The following MARCHF3 variants were observed in gnomAD, a reference collection of about 807,000 sequenced individuals.
The protein encoded by MARCHF3 is membrane associated ring-CH-type finger 3, also known as E3 ubiquitin-protein ligase MARCHF3.
In MARCHF3, 13 loss-of-function variants were observed where a neutral mutation model predicts 24.2. That is an observed-to-expected ratio of 0.54 (90% CI 0.35 to 0.85). The LOEUF is 0.85. Ranked by LOEUF, MARCHF3 falls within the 40% of genes least tolerant of loss-of-function variation. The pLI, the probability that MARCHF3 is intolerant of heterozygous loss-of-function variation, is 0.01. For missense variants in MARCHF3, 276 were observed against 325.0 expected, an observed-to-expected ratio of 0.85 and a Z score of 1.16; for synonymous variants, 144 against 137.3, an observed-to-expected ratio of 1.05 and a Z score of -0.34.
chr5:126,971,463 A>AG (rs1210502549), intron 1 of MARCHF3, among the ~76,000 whole-genome samples: 1 of 151,710 alleles, frequency 6.6e-6, no homozygotes, highest in Non-Finnish European at 1.5e-5. Context: ...AAAAAAAAAA[A>AG]AAAAGAAAAG....
intron 1 of MARCHF3, among the ~76,000 whole-genome samples, chr5:126,952,864 CTTAA>C (rs1239306897): frequency 1.3e-5 from 2 of 152,136 alleles, no homozygotes; most frequent in African/African-American, 4.8e-5. Context: ...TGCCTATAAT[CTTAA>C]TTGTCTTCCA....
intron 1 of MARCHF3, among the ~76,000 whole-genome samples, chr5:126,992,587 T>C (rs1170854324): frequency 6.6e-6 from 1 of 152,254 alleles, no homozygotes; most frequent in Non-Finnish European, 1.5e-5. Context: ...TTCTACTACG[T>C]AGAAATTACG....
At chr5:127,017,028 A>G (rs1352430772) in intron 1 of MARCHF3, among the ~76,000 whole-genome samples, 1 of 151,802 alleles carries the variant, frequency 6.6e-6, no homozygotes, top group Non-Finnish European at 1.5e-5. Context: ...AAAACCAAAC[A>G]CCGCATGTTC....
At chr5:126,892,566 G>A (rs1385765933) in intron 3 of MARCHF3, among the ~76,000 whole-genome samples, 2 of 149,134 alleles carry the variant, frequency 1.3e-5, no homozygotes, top group Non-Finnish European at 2.9e-5. Flanking sequence ...TTTGTCTTTG[G>A]CTCTGTTTAT....
chr5:126,872,378 G>A (rs1226599552), intron 4 of MARCHF3, among the ~76,000 whole-genome samples: 5 of 152,080 alleles, frequency 3.3e-5, no homozygotes, highest in African/African-American at 1.2e-4. Context: ...TGCTTTTTAT[G>A]TACATATATT....
At chr5:126,895,404 C>T (rs1753849125) in intron 3 of MARCHF3, among the ~76,000 whole-genome samples, 1 of 152,052 alleles carries the variant, frequency 6.6e-6, no homozygotes, top group Non-Finnish European at 1.5e-5. Flanking sequence ...TTAGAGTTTC[C>T]AGTTTTTCTG....
intron 3 of MARCHF3, among the ~76,000 whole-genome samples, chr5:126,881,251 T>C (rs1315688771): frequency 1.3e-5 from 2 of 152,160 alleles, no homozygotes; most frequent in Non-Finnish European, 2.9e-5. Context: ...TGGTTGTACT[T>C]AGGTATGGAG....
At chr5:126,880,384 T>G (rs1397972141) in intron 3 of MARCHF3, among the ~76,000 whole-genome samples, 1 of 152,226 alleles carries the variant, frequency 6.6e-6, no homozygotes, top group Non-Finnish European at 1.5e-5. Flanking sequence ...CGAATTTAAA[T>G]ACTGCATTAT....
intron 1 of MARCHF3, among the ~76,000 whole-genome samples, chr5:126,922,798 G>A (rs1292206556): frequency 2.0e-5 from 3 of 151,988 alleles, no homozygotes; most frequent in Non-Finnish European, 2.9e-5. Context: ...CGCCCACCTC[G>A]GCCTCCCAAA....
intron 1 of MARCHF3, among the ~76,000 whole-genome samples, chr5:126,951,285 G>A (rs1750222519): frequency 1.3e-5 from 2 of 152,086 alleles, no homozygotes; most frequent in South Asian, 2.1e-4. Flanking sequence ...TTATGCTACA[G>A]GGCCCCAGGG....
At chr5:126,959,934 G>A (rs758493416) in intron 1 of MARCHF3, among the ~76,000 whole-genome samples, 3 of 152,076 alleles carry the variant, frequency 2.0e-5, no homozygotes, top group South Asian at 2.1e-4. Flanking sequence ...TAGTTCCACC[G>A]AAGGCACTCA....
Position 126,914,895 on chromosome 5 carries a change from G to C in MARCHF3, c.393+35C>G, listed in dbSNP as rs750357256. On this transcript the variant is annotated intron_variant, in intron 3 of 4. Coordinates refer to ENST00000308660, the MANE Select transcript of MARCHF3 (RefSeq NM_178450.5). ...AAAAACAGACATCATTTGCTCATTA[G>C]AGCTAAGTTTTCAGGACGTGCCCCA... is the stretch of plus-strand genomic sequence containing the variant. The C allele has an allele frequency of 3.7e-6, 6 of 1,609,312 alleles. No individual in the cohort carries two copies. In the African/African-American group the frequency reaches 6.7e-5, roughly 18 times the overall value.
intron 3 of MARCHF3, among the ~76,000 whole-genome samples, chr5:126,881,100 T>G (rs1013409465): frequency 6.6e-6 from 1 of 152,150 alleles, no homozygotes; most frequent in Non-Finnish European, 1.5e-5. Context: ...AGATTATGAT[T>G]GCTTGTTTCC....
At chr5:126,997,564 C>A (rs539977880) in intron 1 of MARCHF3, among the ~76,000 whole-genome samples, 2 of 152,214 alleles carry the variant, frequency 1.3e-5, no homozygotes, top group African/African-American at 4.8e-5. Flanking sequence ...CTCCCTATCA[C>A]TGATACCCCA....
intron 1 of MARCHF3, among the ~76,000 whole-genome samples, chr5:127,003,493 T>G (rs962094372): frequency 6.6e-6 from 1 of 151,592 alleles, no homozygotes; most frequent in Non-Finnish European, 1.5e-5. Flanking sequence ...GGCTCACGCC[T>G]GTAATCCCAG....
At position 126,868,099 on chromosome 5, in the gene MARCHF3, A is replaced by G. The variant is rs1469346684; in HGVS notation, c.*2534T>C. On this transcript the variant is annotated 3_prime_UTR_variant, in exon 5 of 5. Transcript: ENST00000308660. ...CTTCATTCTTGATCTTTCAAAAAGA[A>G]GCACAGGAAGAGGACTAGGCTAGCA... 3 of 152,242 alleles carry G rather than the reference A, an allele frequency of 2.0e-5. No individual in the cohort carries two copies. The highest frequency in any genetic ancestry group is 4.8e-5 in the African/African-American group (2 of 41,466). 9.4% of individuals were successfully genotyped at this position (152,242 alleles called of 1,614,324 possible).
intron 3 of MARCHF3, among the ~76,000 whole-genome samples, chr5:126,903,385 C>G (rs1754170311): frequency 6.6e-6 from 1 of 152,050 alleles, no homozygotes; most frequent in Non-Finnish European, 1.5e-5. Flanking sequence ...TGATACTAGT[C>G]CAACTACCTT....
intron 1 of MARCHF3, among the ~76,000 whole-genome samples, chr5:127,014,405 C>CA (rs948928722): frequency 3.9e-5 from 6 of 152,062 alleles, no homozygotes; most frequent in African/African-American, 1.4e-4. Context: ...AGAGATTCCT[C>CA]AAAAAACTAA....
chr5:126,879,136 A>C (rs904349844), intron 3 of MARCHF3, among the ~76,000 whole-genome samples: 9 of 152,186 alleles, frequency 5.9e-5, no homozygotes, highest in Non-Finnish European at 2.9e-5. Context: ...CCATGTTGTC[A>C]CAAATCATTG....
Sources: gnomAD v4.1 joint callset for allele counts (sites outside exome capture counted in the v4.1 genomes callset) on GRCh38, gnomAD v4.1.1 for gene constraint, MANE v1.5 for transcripts, NCBI Gene and HGNC (gene_info 2026-07-23, HGNC 2026-07-21) for gene names.